SQSTM1: variants seen among roughly 807,000 people sequenced by gnomAD.
The protein encoded by SQSTM1 is sequestosome-1.
Under a neutral mutation model 45.1 loss-of-function variants are expected in SQSTM1, and 36 were observed. That is an observed-to-expected ratio of 0.80 (90% CI 0.61 to 1.05). SQSTM1 has a LOEUF of 1.05. SQSTM1 is among the 50% of genes least tolerant of loss of function. The probability of loss-of-function intolerance (pLI) is 0.00; values close to 1 mark genes in which losing one functional copy is unlikely to be tolerated. For synonymous variants in SQSTM1, 290 were observed against 244.3 expected (o/e 1.19, Z -1.74); for missense variants, 617 against 607.1 (o/e 1.02, Z -0.17).
chr5:179,813,961 T>C (rs1027837479), upstream of SQSTM1, among the ~76,000 whole-genome samples: 3 of 152,182 alleles, frequency 2.0e-5, no homozygotes, highest in African/African-American at 7.2e-5. Context: ...CCCCAACCTT[T>C]TGTTGGTTTA....
intron 5 of SQSTM1, among the ~76,000 whole-genome samples, chr5:179,827,751 A>C (rs1245680045): frequency 1.3e-5 from 2 of 151,206 alleles, no homozygotes; most frequent in Non-Finnish European, 2.9e-5. Context: ...ACTGTTGTGG[A>C]AGTTAGGGCT....
chr5:179,828,369 C>CTTTTTTTTTTTTTTTTTTTTTTTGTTTT (rs57483633), intron 5 of SQSTM1, among the ~76,000 whole-genome samples: 1 of 98,300 alleles, frequency 1.0e-5, no homozygotes, highest in Non-Finnish European at 2.1e-5. Flanking sequence ...TTTTTCTTAT[C>CTTTTTTTTTTTTTTTTTTTTTTTGTTTT]TTTTTTTTTT....
chr5:179,808,903 G>A (rs935180397), intron 1 of SQSTM1, among the ~76,000 whole-genome samples: 2 of 150,972 alleles, frequency 1.3e-5, no homozygotes, highest in Non-Finnish European at 3.0e-5. Flanking sequence ...TGTCGCCCAG[G>A]CTGGAGTGCA....
At chr5:179,835,886 C>T (rs1758528061) in intron 7 of SQSTM1, 1 of 210,952 alleles carries the variant, frequency 4.7e-6, no homozygotes, top group Non-Finnish European at 9.7e-6. Flanking sequence ...TGTATATATA[C>T]CACATTTTCT....
At chr5:179,824,385 G>A (rs752923521) in intron 4 of SQSTM1, 62 bp downstream of exon 4, 8 of 1,611,664 alleles carry the variant, frequency 5.0e-6, no homozygotes, top group Middle Eastern at 1.7e-4. Flanking sequence ...CTGTGTGCAG[G>A]GCCCTTGTGC....
chr5:179,826,931 G>A (rs902440816), intron 5 of SQSTM1, among the ~76,000 whole-genome samples: 7 of 152,046 alleles, frequency 4.6e-5, no homozygotes, highest in Non-Finnish European at 7.4e-5. Context: ...GTGGAACACC[G>A]AGGTCATGAT....
At chr5:179,816,291 G>A (rs2113469299), upstream of SQSTM1, among the ~76,000 whole-genome samples, 1 of 152,326 alleles carries the variant, frequency 6.6e-6, no homozygotes, top group African/African-American at 2.4e-5. Flanking sequence ...TGGGACTACA[G>A]GCACCTGCCG....
intron 5 of SQSTM1, among the ~76,000 whole-genome samples, chr5:179,825,877 G>A (rs1757966340): frequency 1.3e-5 from 2 of 152,290 alleles, no homozygotes; most frequent in South Asian, 4.1e-4. Context: ...TCTCGGGTGG[G>A]TGCTGCAGGG....
Position 179,836,884 on chromosome 5 carries a change from T to TA in SQSTM1, c.*292dup. 1 of 611,944 alleles carries TA rather than the reference T, an allele frequency of 1.6e-6. No individual in the cohort carries two copies. The highest frequency in any genetic ancestry group is 2.7e-5 in the East Asian group (1 of 36,618). The allele number at this position is 611,944 out of a possible 1,614,324, so 37.9% of individuals were successfully genotyped here. A position where few individuals can be genotyped will look rare whatever the true frequency, so the allele number is the denominator to read the frequency against. ...TGACCCCTCCCTGCAGGGGCTACGT[T>TA]AGCAGCCCAGCACATAGCTTGCCTA... is the stretch of plus-strand genomic sequence containing the variant. On this transcript the variant is annotated 3_prime_UTR_variant, in exon 8 of 8. Coordinates refer to ENST00000389805, the MANE Select transcript of SQSTM1 (RefSeq NM_003900.5).
At chr5:179,825,711 G>A (rs1015626895) in intron 5 of SQSTM1, among the ~76,000 whole-genome samples, 11 of 152,200 alleles carry the variant, frequency 7.2e-5, no homozygotes, top group African/African-American at 2.7e-4. Flanking sequence ...AGAAGGTGGA[G>A]GCAGGTGCTC....
chr5:179,824,698 G>C (rs1015659464), intron 4 of SQSTM1, among the ~76,000 whole-genome samples: 2 of 152,192 alleles, frequency 1.3e-5, no homozygotes, highest in Admixed American at 1.3e-4. Flanking sequence ...GAAGTCCTTT[G>C]AAACATAGTT....
chr5:179,825,430 G>C (rs1015962786), intron 5 of SQSTM1, among the ~76,000 whole-genome samples: 5 of 152,192 alleles, frequency 3.3e-5, no homozygotes, highest in African/African-American at 9.7e-5. Context: ...TTTCTACATG[G>C]AGTGAAGTCG....
At chr5:179,808,924 C>G (rs1234997628) in intron 1 of SQSTM1, among the ~76,000 whole-genome samples, 1 of 148,982 alleles carries the variant, frequency 6.7e-6, no homozygotes, top group Non-Finnish European at 1.5e-5. Context: ...GTGGCACTAT[C>G]TGGGCTCACT....
chr5:179,834,018 G>A (rs1398395287), intron 7 of SQSTM1, among the ~76,000 whole-genome samples: 3 of 152,056 alleles, frequency 2.0e-5, no homozygotes, highest in Non-Finnish European at 4.4e-5. Context: ...TCCAGAGCCA[G>A]GAATATTAAT....
chr5:179,825,323 C>T (rs1757947934), intron 5 of SQSTM1, 97 bp downstream of exon 5: 2 of 1,070,502 alleles, frequency 1.9e-6, no homozygotes, highest in Admixed American at 1.7e-5. Context: ...ATTGACATGC[C>T]CTTGACACTG....
intron 1 of SQSTM1, among the ~76,000 whole-genome samples, chr5:179,808,948 C>A (rs1053590858): frequency 1.3e-5 from 2 of 150,822 alleles, no homozygotes; most frequent in African/African-American, 4.9e-5. Context: ...AGCTCCGCCT[C>A]CCACCTTCAC....
chr5:179,822,288 G>GT (rs1273531999), intron 1 of SQSTM1, among the ~76,000 whole-genome samples: 1 of 152,168 alleles, frequency 6.6e-6, no homozygotes, highest in African/African-American at 2.4e-5. Flanking sequence ...ATAATATTCT[G>GT]TTGTGTGGAC....
chr5:179,825,948 G>A (rs1014944053), intron 5 of SQSTM1, among the ~76,000 whole-genome samples: 5 of 152,236 alleles, frequency 3.3e-5, no homozygotes, highest in Admixed American at 2.0e-4. Flanking sequence ...GATGACGGTG[G>A]ATCTGTGATG....
At chr5:179,821,522 C>T (rs1235535513) in intron 1 of SQSTM1, 2 of 497,834 alleles carry the variant, frequency 4.0e-6, no homozygotes, top group Non-Finnish European at 7.8e-6. Context: ...GGCGGGCACT[C>T]GGGTTACACT....
Sources: allele counts gnomAD v4.1 joint callset (sites outside exome capture counted in the v4.1 genomes callset), GRCh38; gene constraint gnomAD v4.1.1; transcripts MANE v1.5; gene names NCBI Gene and HGNC (gene_info 2026-07-23, HGNC 2026-07-21).